TTLL7: variants seen among roughly 807,000 people sequenced by gnomAD.
The protein encoded by TTLL7 is tubulin tyrosine ligase like 7.
A neutral mutation model predicts 120.2 loss-of-function variants in TTLL7; 53 were observed. The ratio of observed to expected loss-of-function variants is 0.44; its 90% CI spans 0.35 to 0.55. The LOEUF (loss-of-function observed/expected upper bound fraction) is 0.55. Ranked by LOEUF, TTLL7 falls within the 20% of genes least tolerant of loss-of-function variation. The pLI is 0.00. For synonymous variants in TTLL7, 353 were observed against 351.7 expected, an observed-to-expected ratio of 1.00 and a Z score of -0.04; for missense variants, 803 against 1,054.7, an observed-to-expected ratio of 0.76 and a Z score of 3.31.
At chr1:83,940,077 T>A (rs1647803903) in intron 7 of TTLL7, among the ~76,000 whole-genome samples, 1 of 152,150 alleles carries the variant, frequency 6.6e-6, no homozygotes. Context: ...ATCCTTTTTC[T>A]ATATATGTAA....
At chr1:83,883,884 G>C (rs1432122659) in intron 19 of TTLL7, among the ~76,000 whole-genome samples, 1 of 151,900 alleles carries the variant, frequency 6.6e-6, no homozygotes, top group Non-Finnish European at 1.5e-5. Context: ...CTAGAGCACA[G>C]GTTCTGTGTG....
chr1:83,995,600 C>T (rs1382764943), intron 1 of TTLL7, among the ~76,000 whole-genome samples: 3 of 152,028 alleles, frequency 2.0e-5, no homozygotes, highest in African/African-American at 4.8e-5. Flanking sequence ...GAGCCAATTA[C>T]ACCTCTTTTC....
rs1294524584 is a variant in TTLL7, at chr1:83,911,252, T to C, written c.1699A>G (p.Lys567Glu). Reference sequence around the variant, plus strand: ...CTTTTCTTATTTTGGTACTCTTCTTTTTCATTTTCGTCAGATTCTGAAGAG... The same window carrying C: ...CTTTTCTTATTTTGGTACTCTTCTTCTTCATTTTCGTCAGATTCTGAAGAG... ...SSSSESDENEKEEYQNKKREK... is the reference protein window; with the variant it reads ...SSSSESDENEEEEYQNKKREK... Residue 567 changes from lysine (K) to glutamate (E), a missense_variant, in exon 15 of 21, where the codon AAA (lysine) becomes GAA (glutamate). Around this residue, in one of 3 missense-constraint regions of TTLL7, gnomAD observed 388 missense variants for 450.4 expected, o/e 0.86. Coordinates refer to ENST00000260505, the MANE Select transcript of TTLL7 (RefSeq NM_024686.6). 6.2e-7 allele frequency: 1 copy of C among 1,613,632 alleles called. No individual in the cohort carries two copies. Among genetic ancestry groups the C allele is most frequent in the Non-Finnish European group, 8.5e-7 (1 of 1,179,620 alleles).
intron 8 of TTLL7, among the ~76,000 whole-genome samples, chr1:83,934,503 A>C (rs1306339200): frequency 1.2e-4 from 19 of 152,210 alleles, no homozygotes. Context: ...GTAGTGTATA[A>C]GTTTTATCTG....
chr1:83,964,536 A>C (rs61766889), intron 1 of TTLL7, among the ~76,000 whole-genome samples: 2 of 152,152 alleles, frequency 1.3e-5, no homozygotes, highest in Non-Finnish European at 2.9e-5. Flanking sequence ...TTGTTAAGGC[A>C]GTAAACTTGT....
At chr1:83,937,568 T>C (rs970828087) in intron 8 of TTLL7, among the ~76,000 whole-genome samples, 1 of 152,178 alleles carries the variant, frequency 6.6e-6, no homozygotes, top group Non-Finnish European at 1.5e-5. Flanking sequence ...ATACAGGCTA[T>C]ATGATAGCCT....
At chr1:83,960,609 G>T (rs1291210859) in intron 1 of TTLL7, among the ~76,000 whole-genome samples, 1 of 152,086 alleles carries the variant, frequency 6.6e-6, no homozygotes, top group Admixed American at 6.6e-5. Context: ...TGCAATAAGG[G>T]TGGATGAAAA....
intron 9 of TTLL7, among the ~76,000 whole-genome samples, chr1:83,931,266 A>G (rs929026146): frequency 2.6e-5 from 4 of 152,104 alleles, no homozygotes; most frequent in South Asian, 2.1e-4. Context: ...CACTATTTTC[A>G]ACTGTCCTAA....
chr1:83,955,296 T>C (rs918219605), intron 1 of TTLL7, among the ~76,000 whole-genome samples: 2 of 152,184 alleles, frequency 1.3e-5, no homozygotes, highest in African/African-American at 2.4e-5. Context: ...TGCCTGACCA[T>C]AGTGTTCAAT....
intron 1 of TTLL7, among the ~76,000 whole-genome samples, chr1:83,996,428 A>C (rs922937409): frequency 1.7e-4 from 26 of 152,204 alleles, no homozygotes; most frequent in Non-Finnish European, 1.5e-4. Flanking sequence ...ACAGTAGATG[A>C]GCACTTCTTA....
chr1:83,910,617 C>A (rs926113527), intron 15 of TTLL7, among the ~76,000 whole-genome samples: 2 of 152,086 alleles, frequency 1.3e-5, no homozygotes, highest in Admixed American at 1.3e-4. Flanking sequence ...AGCTGGTTGG[C>A]TGCTCTCCTA....
At chr1:83,942,939 AGTTAAT>A (rs1648113563) in intron 6 of TTLL7, among the ~76,000 whole-genome samples, 1 of 152,204 alleles carries the variant, frequency 6.6e-6, no homozygotes, top group Admixed American at 6.5e-5. Context: ...TAACATTTTA[AGTTAAT>A]CTAGTCTCGC....
intron 20 of TTLL7, among the ~76,000 whole-genome samples, chr1:83,870,599 G>A (rs1208498168): frequency 1.3e-5 from 2 of 152,114 alleles, no homozygotes; most frequent in Non-Finnish European, 2.9e-5. Context: ...ACCATAGAGT[G>A]CTCATGATTA....
rs761302435 is a variant in TTLL7, at chr1:83,922,755, A to G, written c.1143-1361T>C. On this transcript the variant is annotated intron_variant, in intron 10 of 20. Transcript: ENST00000260505. The stretch of plus-strand genomic sequence containing the variant: ...GAAGGAGAACATAAATTTTTAAAAG[A>G]GGGCATAATTATATTTGTATATGTT... Among the ~76,000 whole-genome samples, 4 of 142,110 alleles carry G rather than the reference A, an allele frequency of 2.8e-5. No individual in the cohort carries two copies. In the South Asian group the frequency reaches 6.3e-4, roughly 22 times the overall value. 93.2% of individuals were successfully genotyped at this position (142,110 alleles called of 152,430 possible).
At chr1:83,966,383 C>T (rs144598886) in intron 1 of TTLL7, among the ~76,000 whole-genome samples, 7 of 151,972 alleles carry the variant, frequency 4.6e-5, no homozygotes, top group Non-Finnish European at 1.0e-4. Flanking sequence ...CTCTCTATCT[C>T]CCCCCAACCC....
chr1:83,881,021 G>C (rs1037842558), intron 20 of TTLL7, among the ~76,000 whole-genome samples: 3 of 152,014 alleles, frequency 2.0e-5, no homozygotes, highest in South Asian at 4.2e-4. Flanking sequence ...ATGGTGCTGG[G>C]AAAACTGGCT....
At chr1:83,941,750 A>T (rs1004336823) in intron 7 of TTLL7, among the ~76,000 whole-genome samples, 94 of 152,348 alleles carry the variant, frequency 6.2e-4, no homozygotes, top group African/African-American at 2.2e-3. Context: ...CATAAGCTAC[A>T]AATTATAGTA....
At chr1:83,912,029 A>G (rs1005939563) in intron 14 of TTLL7, among the ~76,000 whole-genome samples, 1 of 152,170 alleles carries the variant, frequency 6.6e-6, no homozygotes, top group African/African-American at 2.4e-5. Context: ...TTAACTGTCC[A>G]TTTTCCAAAC....
chr1:83,967,535 T>G (rs2100558523), intron 1 of TTLL7, among the ~76,000 whole-genome samples: 1 of 152,180 alleles, frequency 6.6e-6, no homozygotes, highest in Non-Finnish European at 1.5e-5. Context: ...TGGTAGGGGA[T>G]GCAGTGACTG....
Sources: gnomAD v4.1 joint callset for allele counts (sites outside exome capture counted in the v4.1 genomes callset) on GRCh38, gnomAD v4.1.1 for gene constraint, gnomAD v4.1.1 regional missense constraint, MANE v1.5 for transcripts, NCBI Gene and HGNC (gene_info 2026-07-23, HGNC 2026-07-21) for gene names.